The following AATF variants were observed in gnomAD, a reference collection of about 807,000 sequenced individuals.
AATF encodes apoptosis antagonizing transcription factor.
AATF carries 48 observed loss-of-function variants against 63.7 expected under a neutral mutation model. The observed-to-expected ratio is 0.75, with a 90% CI of 0.60 to 0.96. The LOEUF (loss-of-function observed/expected upper bound fraction) is 0.96, where lower values mean the gene tolerates loss of function less well. Among genes scored for constraint, AATF ranks in the 40% least tolerant of loss-of-function variants. The pLI, the probability that AATF is intolerant of heterozygous loss-of-function variation, is 0.00. For missense variants in AATF, 639 were observed against 685.7 expected, an observed-to-expected ratio of 0.93 and a Z score of 0.76; for synonymous variants, 258 against 247.7, an observed-to-expected ratio of 1.04 and a Z score of -0.39.
chr17:36,967,066 GT>G (rs1323208320), intron 4 of AATF, among the ~76,000 whole-genome samples: 1 of 151,752 alleles, frequency 6.6e-6, no homozygotes, highest in Non-Finnish European at 1.5e-5. Context: ...ATCTTTTTTT[GT>G]TTTTTGTTTT....
intron 8 of AATF, among the ~76,000 whole-genome samples, chr17:36,991,421 T>A (rs2071213847): frequency 6.6e-6 from 1 of 152,106 alleles, no homozygotes; most frequent in African/African-American, 2.4e-5. Context: ...ATAGTCCAGT[T>A]CTCAATATGT....
chr17:37,023,631 A>G (rs1356570226), intron 10 of AATF, among the ~76,000 whole-genome samples: 1 of 146,058 alleles, frequency 6.8e-6, no homozygotes, highest in African/African-American at 2.5e-5. Flanking sequence ...AACAGAGTTT[A>G]AAAAGAGGCA....
intron 8 of AATF, among the ~76,000 whole-genome samples, chr17:36,997,610 T>C (rs1360486215): frequency 6.6e-6 from 1 of 152,192 alleles, no homozygotes; most frequent in African/African-American, 2.4e-5. Context: ...CAGGGAACAC[T>C]TCCATACTGC....
chr17:37,046,854 G>A (rs1312310080), intron 11 of AATF, among the ~76,000 whole-genome samples: 9 of 152,024 alleles, frequency 5.9e-5, no homozygotes, highest in Admixed American at 3.9e-4. Flanking sequence ...CCTTCTGTGC[G>A]GCTGGGGGAA....
chr17:36,958,710 T>G (rs1344917253), intron 4 of AATF, among the ~76,000 whole-genome samples: 1 of 152,250 alleles, frequency 6.6e-6, no homozygotes. Flanking sequence ...TTGTACCAAC[T>G]CTGCTCACCT....
intron 4 of AATF, among the ~76,000 whole-genome samples, chr17:36,969,881 A>C (rs1001099327): frequency 2.0e-5 from 3 of 152,174 alleles, no homozygotes; most frequent in African/African-American, 7.2e-5. Context: ...ATTTTCTAGA[A>C]ATCTATATAA....
chr17:37,025,897 C>CT (rs1459785690), intron 10 of AATF, among the ~76,000 whole-genome samples: 1 of 152,158 alleles, frequency 6.6e-6, no homozygotes, highest in African/African-American at 2.4e-5. Context: ...TATTTGGTCT[C>CT]TAAGTATCTC....
chr17:37,017,052 A>T (rs1373940618), intron 8 of AATF, among the ~76,000 whole-genome samples: 1 of 152,214 alleles, frequency 6.6e-6, no homozygotes, highest in Non-Finnish European at 1.5e-5. Flanking sequence ...TTGGTGTTGG[A>T]ATTGCAGAGA....
At chr17:36,972,081 T>A (rs2071043745) in intron 4 of AATF, among the ~76,000 whole-genome samples, 1 of 152,142 alleles carries the variant, frequency 6.6e-6, no homozygotes, top group Non-Finnish European at 1.5e-5. Flanking sequence ...AGGGGGTATA[T>A]GTGTGCTTAT....
intron 11 of AATF, among the ~76,000 whole-genome samples, chr17:37,036,922 A>C (rs2071596906): frequency 1.3e-5 from 2 of 152,092 alleles, no homozygotes. Context: ...GGAGGTTACC[A>C]TAAGCCTAAA....
At chr17:37,011,200 G>A (rs529845061) in intron 8 of AATF, among the ~76,000 whole-genome samples, 91 of 152,180 alleles carry the variant, frequency 6.0e-4, no homozygotes, top group Non-Finnish European at 1.1e-3. Context: ...GAAAAACCCC[G>A]TCTCAACTAA....
At chr17:36,990,157 T>C (rs1453545817) in intron 7 of AATF, among the ~76,000 whole-genome samples, 1 of 152,198 alleles carries the variant, frequency 6.6e-6, no homozygotes, top group African/African-American at 2.4e-5. Flanking sequence ...AGTATAAATA[T>C]GTAAAATATT....
Position 37,028,712 on chromosome 17 carries a change from C to T in AATF, c.1548-2902C>T, listed in dbSNP as rs1164060846. The stretch of plus-strand genomic sequence containing the variant: ...GAGGTGAGAGGATGGCCTGAACCTG[C>T]GAGTCAGAGGTTGCAGTGAGCCGAG... On this transcript the variant is annotated intron_variant, in intron 10 of 11. Coordinates refer to ENST00000619387, the MANE Select transcript of AATF (RefSeq NM_012138.4). 3.9e-5 allele frequency among the ~76,000 whole-genome samples: 6 copies of T among 151,940 alleles called. No individual in the cohort carries two copies. In the South Asian group the frequency reaches 6.2e-4, roughly 16 times the overall value.
chr17:37,006,787 T>C (rs2071344807), intron 8 of AATF, among the ~76,000 whole-genome samples: 1 of 152,254 alleles, frequency 6.6e-6, no homozygotes, highest in South Asian at 2.1e-4. Flanking sequence ...ATTTTAGGGC[T>C]TGTGCTGAGA....
chr17:37,045,662 A>G (rs1190203203), intron 11 of AATF: 2 of 152,324 alleles, frequency 1.3e-5, no homozygotes, highest in Non-Finnish European at 2.9e-5. Flanking sequence ...GCTCGGTCCT[A>G]CAGGGGGAAA....
At chr17:36,981,343 A>G (rs976413710) in intron 4 of AATF, among the ~76,000 whole-genome samples, 2 of 152,088 alleles carry the variant, frequency 1.3e-5, no homozygotes, top group African/African-American at 4.8e-5. Flanking sequence ...TTTGCAGCTT[A>G]TTCTCTGGGT....
chr17:37,041,737 T>G (rs551656406), intron 11 of AATF, among the ~76,000 whole-genome samples: 1 of 152,300 alleles, frequency 6.6e-6, no homozygotes, highest in East Asian at 1.9e-4. Flanking sequence ...ACTCCTGACC[T>G]CAGGTGATCC....
intron 10 of AATF, among the ~76,000 whole-genome samples, chr17:37,025,243 G>A (rs1042509655): frequency 2.0e-5 from 3 of 152,112 alleles, no homozygotes; most frequent in African/African-American, 7.2e-5. Flanking sequence ...GGGAGGGAGT[G>A]GATTCAGTTT....
chr17:36,953,410 TGACA>T, intron 3 of AATF, 114 bp downstream of exon 3: 1 of 1,493,902 alleles, frequency 6.7e-7, no homozygotes, highest in Non-Finnish European at 8.9e-7. Flanking sequence ...AATTAGTTTG[TGACA>T]TGCCCCACTT....
Sources: allele counts gnomAD v4.1 joint callset (sites outside exome capture counted in the v4.1 genomes callset), GRCh38; gene constraint gnomAD v4.1.1; transcripts MANE v1.5; gene names NCBI Gene and HGNC (gene_info 2026-07-23, HGNC 2026-07-21).